Variants in ROBO2 observed in about 807,000 individuals in gnomAD.
ROBO2 encodes the protein roundabout homolog 2.
ROBO2 carries 53 observed loss-of-function variants against 160.8 expected under a neutral mutation model. The ratio of observed to expected loss-of-function variants is 0.33; its 90% confidence interval spans 0.26 to 0.41. The LOEUF is 0.41. ROBO2 is among the 10% of genes least tolerant of loss of function. The pLI is 1.00. For missense variants in ROBO2, 1,577 were observed against 1,722.4 expected (o/e 0.92, Z 1.49); for synonymous variants, 664 against 611.7 (o/e 1.09, Z -1.26).
rs962677117 is a variant in ROBO2 at position 77,447,110 on chromosome 3, T to C, written c.389-30304T>C. Among the ~76,000 whole-genome samples the C allele has an allele frequency of 1.1e-4, 17 of 152,206 alleles. 1 individual carries two copies. In the South Asian group the frequency reaches 3.5e-3, roughly 32 times the overall value. On this transcript the variant is annotated intron_variant, in intron 2 of 25. Coordinates refer to ENST00000461745, the Ensembl canonical transcript of ROBO2. Reference sequence around the variant, plus strand: ...AAAAGGAAAACCTACTTATAACCCATTGCTAGCTGAGGGAAGTTTTCTCAA... The same window carrying C: ...AAAAGGAAAACCTACTTATAACCCACTGCTAGCTGAGGGAAGTTTTCTCAA...
At chr3:76,263,809 G>A (rs1706921117) in intron 2 of ROBO2, among the ~76,000 whole-genome samples, 1 of 152,018 alleles carries the variant, frequency 6.6e-6, no homozygotes, top group Non-Finnish European at 1.5e-5. Flanking sequence ...GCAAAGACTT[G>A]GAACCAACCC....
intron 2 of ROBO2, among the ~76,000 whole-genome samples, chr3:76,185,721 T>C (rs991463363): frequency 1.1e-4 from 16 of 152,232 alleles, no homozygotes; most frequent in South Asian, 8.3e-4. Flanking sequence ...ATAATTAGCA[T>C]AATTGTGAAG....
intron 2 of ROBO2, among the ~76,000 whole-genome samples, chr3:76,705,396 A>G (rs2107521475): frequency 6.6e-6 from 1 of 152,284 alleles, no homozygotes; most frequent in African/African-American, 2.4e-5. Context: ...ACACAGTGAT[A>G]AATACGTAAA....
At chr3:76,379,662 A>T (rs1382946750) in intron 2 of ROBO2, among the ~76,000 whole-genome samples, 1 of 152,206 alleles carries the variant, frequency 6.6e-6, no homozygotes, top group Non-Finnish European at 1.5e-5. Flanking sequence ...AAATATGCAA[A>T]ATATATATAA....
intron 2 of ROBO2, among the ~76,000 whole-genome samples, chr3:76,306,597 CA>C (rs1163535264): frequency 6.6e-6 from 1 of 152,064 alleles, no homozygotes; most frequent in African/African-American, 2.4e-5. Context: ...AATCAAACTT[CA>C]AATGACATAT....
rs986288023 is a variant in ROBO2, at chr3:76,682,317, G to A, written c.110-415697G>A. On this transcript the variant is annotated intron_variant, in intron 2 of 26. Transcript: ENST00000487694. ...CTGGTGCAGGATGTCAGTAGTGGAG[G>A]AGGCTGTACATATTGGTGTGGAAGA... Among the ~76,000 whole-genome samples, 7 of 152,136 alleles carry A rather than the reference G, an allele frequency of 4.6e-5. No homozygotes were observed. In the South Asian group the frequency reaches 8.3e-4, roughly 18 times the overall value.
chr3:77,011,091 C>CTTTCTTTCTT (rs1559841523), intron 2 of ROBO2, among the ~76,000 whole-genome samples: 16 of 69,884 alleles, frequency 2.3e-4, no homozygotes, highest in East Asian at 5.6e-4. Flanking sequence ...CTTTCTTTTT[C>CTTTCTTTCTT]TTTCTATCTT....
intron 2 of ROBO2, among the ~76,000 whole-genome samples, chr3:77,148,320 G>A (rs1395452460): frequency 6.6e-6 from 1 of 152,172 alleles, no homozygotes. Flanking sequence ...GGCTGTTTAA[G>A]CAGAGGACAT....
intron 2 of ROBO2, among the ~76,000 whole-genome samples, chr3:76,046,076 C>T (rs528644392): frequency 6.6e-6 from 1 of 151,788 alleles, no homozygotes; most frequent in Non-Finnish European, 1.5e-5. Context: ...CTGTTCAGGC[C>T]CATCTTTATC....
At chr3:76,423,983 G>T (rs2076104874) in intron 2 of ROBO2, among the ~76,000 whole-genome samples, 1 of 152,168 alleles carries the variant, frequency 6.6e-6, no homozygotes, top group Non-Finnish European at 1.5e-5. Context: ...GGGGACTTTG[G>T]CTTGAGGTCC....
At chr3:76,862,192 C>T (rs1577097969) in intron 2 of ROBO2, among the ~76,000 whole-genome samples, 2 of 152,112 alleles carry the variant, frequency 1.3e-5, no homozygotes, top group Non-Finnish European at 2.9e-5. Context: ...ACACAATATA[C>T]ATTCTCTTAC....
At chr3:76,847,807 G>C (rs1036512948) in intron 2 of ROBO2, among the ~76,000 whole-genome samples, 1 of 151,838 alleles carries the variant, frequency 6.6e-6, no homozygotes, top group African/African-American at 2.4e-5. Flanking sequence ...GTATCATTAT[G>C]GTGTAATAAC....
intron 2 of ROBO2, among the ~76,000 whole-genome samples, chr3:76,234,235 T>A (rs560010132): frequency 7.2e-5 from 11 of 152,310 alleles, no homozygotes; most frequent in Admixed American, 7.2e-4. Flanking sequence ...GGCTTTTAGG[T>A]TGATTCTTTG....
At chr3:75,959,320 A>C (rs951102199) in intron 2 of ROBO2, among the ~76,000 whole-genome samples, 10 of 151,692 alleles carry the variant, frequency 6.6e-5, no homozygotes, top group African/African-American at 2.4e-4. Flanking sequence ...TGAATTATTT[A>C]ATTATAAATT....
intron 2 of ROBO2, among the ~76,000 whole-genome samples, chr3:77,371,562 C>CACATAAGTAACTGTGTT: frequency 6.6e-6 from 1 of 152,300 alleles, no homozygotes; most frequent in Admixed American, 6.5e-5. Flanking sequence ...ACTCAGCATA[C>CACATAAGTAACTGTGTT]ACATAAGTAA....
intron 2 of ROBO2, among the ~76,000 whole-genome samples, chr3:77,429,098 A>G (rs1411854716): frequency 6.6e-6 from 1 of 152,248 alleles, no homozygotes. Flanking sequence ...ATGACAAAAA[A>G]GAGCAAACTT....
At chr3:75,936,645 T>C (rs1169784709) in intron 1 of ROBO2, among the ~76,000 whole-genome samples, 1 of 152,104 alleles carries the variant, frequency 6.6e-6, no homozygotes, top group Non-Finnish European at 1.5e-5. Flanking sequence ...ATTTGCTAGT[T>C]TTGCTTCACT....
intron 2 of ROBO2, among the ~76,000 whole-genome samples, chr3:76,984,523 C>T (rs553516858): frequency 2.0e-5 from 3 of 152,218 alleles, no homozygotes; most frequent in South Asian, 2.1e-4. Flanking sequence ...CCTGTAAGTA[C>T]GATTTGGTTC....
intron 2 of ROBO2, among the ~76,000 whole-genome samples, chr3:77,284,312 T>TTTTC (rs761682384): frequency 1.8e-4 from 27 of 152,116 alleles, no homozygotes; most frequent in Non-Finnish European, 3.5e-4. Context: ...CTTGGGTAAG[T>TTTTC]TTTCTTAAGC....
Sources: allele counts gnomAD v4.1 joint callset (sites outside exome capture counted in the v4.1 genomes callset), GRCh38; gene constraint gnomAD v4.1.1; transcripts MANE v1.5; gene names NCBI Gene and HGNC (gene_info 2026-07-23, HGNC 2026-07-21).